The following TRPM1 variants were observed in gnomAD, a reference collection of about 807,000 sequenced individuals.
The protein encoded by TRPM1 is TRPM1-203 APA Isoform, Intron 10.
A neutral mutation model predicts 149.4 loss-of-function variants in TRPM1; 113 were observed. The observed-to-expected ratio is 0.76, with a 90% CI of 0.65 to 0.88. The LOEUF (loss-of-function observed/expected upper bound fraction) is 0.88, where lower values mean the gene tolerates loss of function less well. TRPM1 is among the 40% of genes least tolerant of loss of function. TRPM1 has a pLI of 0.00. For synonymous variants in TRPM1, 741 were observed against 759.5 expected (o/e 0.98, Z 0.40); for missense variants, 1,976 against 2,038.7 (o/e 0.97, Z 0.59).
At chr15:31,076,865 A>G in intron 3 of TRPM1, 40 bp downstream of exon 3, 1 of 1,438,438 alleles carries the variant, frequency 7.0e-7, no homozygotes, top group Non-Finnish European at 9.8e-7. Context: ...GCAGACAAGC[A>G]CTGGTTTGGA....
At chr15:31,142,860 G>A (rs1271648867) in intron 1 of TRPM1, among the ~76,000 whole-genome samples, 1 of 152,150 alleles carries the variant, frequency 6.6e-6, no homozygotes, top group African/African-American at 2.4e-5. Flanking sequence ...TTTTCTTTGA[G>A]TTATATTTGT....
At chr15:31,113,434 T>C (rs1425253567) in intron 1 of TRPM1, among the ~76,000 whole-genome samples, 1 of 53,306 alleles carries the variant, frequency 1.9e-5, no homozygotes, top group Non-Finnish European at 4.6e-5. Flanking sequence ...CTCTGACAGT[T>C]TTTTTTTTTT....
intron 1 of TRPM1, among the ~76,000 whole-genome samples, chr15:31,115,029 C>T (rs569313197): frequency 1.8e-4 from 27 of 152,254 alleles, no homozygotes; most frequent in East Asian, 9.6e-4. Flanking sequence ...CCAAGGCAGG[C>T]GGATCACCTG....
chr15:31,104,306 C>T (rs2035568582), upstream of TRPM1, among the ~76,000 whole-genome samples: 1 of 152,116 alleles, frequency 6.6e-6, no homozygotes, highest in African/African-American at 2.4e-5. Flanking sequence ...ATGGGAGATC[C>T]CCAGGCTAGC....
chr15:31,114,902 G>A (rs1042579028), intron 1 of TRPM1, among the ~76,000 whole-genome samples: 8 of 152,220 alleles, frequency 5.3e-5, no homozygotes, highest in South Asian at 2.1e-4. Flanking sequence ...AAATATGTGT[G>A]TACATCTAAA....
chr15:31,071,981 ATATATATATATATATAT>A (rs2034558178), intron 3 of TRPM1, among the ~76,000 whole-genome samples: 3 of 66,944 alleles, frequency 4.5e-5, no homozygotes, highest in African/African-American at 2.4e-4. Context: ...AAAAAAAAAC[ATATATATATATATATAT>A]ATATATATAT....
At chr15:31,030,617 T>C (rs2033023627) in intron 23 of TRPM1, among the ~76,000 whole-genome samples, 1 of 152,234 alleles carries the variant, frequency 6.6e-6, no homozygotes, top group African/African-American at 2.4e-5. Flanking sequence ...AAGTATCAGT[T>C]ACTCTGCTCT....
intron 2 of TRPM1, among the ~76,000 whole-genome samples, chr15:31,081,100 T>C (rs1030923225): frequency 1.3e-5 from 2 of 152,128 alleles, no homozygotes; most frequent in Non-Finnish European, 1.5e-5. Flanking sequence ...GTGATGACTC[T>C]GGGGCATCGG....
intron 1 of TRPM1, among the ~76,000 whole-genome samples, chr15:31,156,930 ATTT>A (rs11398253): frequency 6.8e-6 from 1 of 147,534 alleles, no homozygotes; most frequent in African/African-American, 2.5e-5. Context: ...ACTTACATTT[ATTT>A]TTTTTTTTTT....
At chr15:31,031,260 A>G (rs2033065058) in intron 22 of TRPM1, 103 bp from the exon 23 acceptor site, 1 of 1,280,952 alleles carries the variant, frequency 7.8e-7, no homozygotes, top group African/African-American at 1.5e-5. Context: ...ACGAGTGCTT[A>G]ATTAGGACGA....
chr15:31,048,450 TTC>T (rs1485499138), intron 13 of TRPM1, among the ~76,000 whole-genome samples: 4 of 152,090 alleles, frequency 2.6e-5, no homozygotes, highest in South Asian at 4.1e-4. Flanking sequence ...GTGAAATACT[TTC>T]TGTTGCATTT....
At chr15:31,060,440 C>A in intron 11 of TRPM1, 104 bp downstream of exon 11, 2 of 937,314 alleles carry the variant, frequency 2.1e-6, no homozygotes, top group South Asian at 2.8e-5. Context: ...TCATCAGAAA[C>A]CCCACATAAT....
intron 1 of TRPM1, among the ~76,000 whole-genome samples, chr15:31,159,536 T>C (rs1038525893): frequency 5.9e-5 from 9 of 152,164 alleles, no homozygotes; most frequent in African/African-American, 2.2e-4. Context: ...TCTCTAAAAA[T>C]AATGCTGACT....
rs558258992 is a variant in TRPM1 at position 31,060,520 on chromosome 15, T to C, written c.1263+24A>G. 9 of 1,592,184 alleles carry C rather than the reference T, an allele frequency of 5.7e-6. 1 individual carries two copies. The highest frequency in any genetic ancestry group is 2.7e-5 in the African/African-American group (2 of 74,604). Reference sequence around the variant, plus strand: ...TTGTACAAAGTCAAGATCAATGATATGAATCGAAAAAAAACAGTTTCACCG... The same window carrying C: ...TTGTACAAAGTCAAGATCAATGATACGAATCGAAAAAAAACAGTTTCACCG... On this transcript the variant is annotated intron_variant, in intron 11 of 27. Coordinates refer to ENST00000256552, the MANE Select transcript of TRPM1 (RefSeq NM_001252024.2).
Position 31,063,191 on chromosome 15 carries a change from C to T in TRPM1, c.892G>A (p.Val298Met), listed in dbSNP as rs1403070812. 1.2e-6 allele frequency: 2 copies of T among 1,614,244 alleles called. No individual in the cohort carries two copies. Among genetic ancestry groups the T allele is most frequent in the South Asian group, 1.1e-5 (1 of 91,090 alleles). The change falls in exon 8 of 28, where the codon GTG becomes ATG. Residue 298 changes from valine (V) to methionine (M), a missense_variant. This residue lies in a region of TRPM1 where 1,332 missense variants were observed against 1,347.1 expected (regional missense o/e 0.99). Transcript: ENST00000256552. ...CGTCCGCTGCCATCACAAATCACCA[C>T]AGGGATGGGAGGCTCTTCTTGCAGG... ...EYLQEEPPIPVVICDGSGRAS... is the reference protein window; with the variant it reads ...EYLQEEPPIPMVICDGSGRAS...
Position 31,081,416 on chromosome 15 carries a change from A to C in TRPM1, c.-61T>G, listed in dbSNP as rs924645860. 1.3e-6 allele frequency: 2 copies of C among 1,534,848 alleles called. No individual in the cohort carries two copies. The highest frequency in any genetic ancestry group is 2.7e-5 in the African/African-American group (2 of 73,018). On this transcript the variant is annotated 5_prime_UTR_variant, in exon 2 of 28. Coordinates refer to ENST00000256552, the MANE Select transcript of TRPM1 (RefSeq NM_001252024.2). The stretch of plus-strand genomic sequence containing the variant: ...AGTCCAGCACTGCAAGTTACTGCTG[A>C]GTCCTCAGAAATCTTCTAGAACCTA...
In TRPM1 at chr15:31,040,361, A is replaced by G; in HGVS notation, c.2088-15T>C. On this transcript the variant is annotated splice_polypyrimidine_tract_variant and intron_variant, in intron 17 of 27. Transcript: ENST00000256552. The surrounding 1 kb of genome is among the most constrained non-coding windows in gnomAD (Gnocchi z 4.2). ...GGCCGAAGTCTCTGGGGGGAAAGAG[A>G]AGGGACCAGGGTGAAGCCACAGTGG... 1 of 1,612,594 alleles carries G rather than the reference A, an allele frequency of 6.2e-7. No homozygotes were observed. The highest frequency in any genetic ancestry group is 8.5e-7 in the Non-Finnish European group (1 of 1,178,630).
chr15:31,035,847 A>G lies in TRPM1; in HGVS notation c.2572-173T>C, dbSNP rs1025495856. 2.9e-5 allele frequency: 26 copies of G among 892,556 alleles called. No individual in the cohort carries two copies. The Admixed American group carries it at 4.5e-4, about 16-fold the overall frequency. 55.3% of individuals were successfully genotyped at this position (892,556 alleles called of 1,614,324 possible). A position where few individuals can be genotyped will look rare whatever the true frequency, so the allele number is the denominator to read the frequency against. On this transcript the variant is annotated intron_variant, in intron 20 of 27. Transcript: ENST00000256552. ...TCACCAGTGCAGACAGAAGACCTGG[A>G]GGCAGGACGGGAGGCATTTTATACT...
intron 1 of TRPM1, among the ~76,000 whole-genome samples, chr15:31,156,611 C>A (rs1021677539): frequency 6.6e-6 from 1 of 152,178 alleles, no homozygotes; most frequent in Non-Finnish European, 1.5e-5. Flanking sequence ...CCACCCTCCC[C>A]ACAATATGTC....
Sources: allele counts gnomAD v4.1 joint callset (sites outside exome capture counted in the v4.1 genomes callset), GRCh38; gene constraint gnomAD v4.1.1; regional missense constraint gnomAD v4.1.1; non-coding constraint Gnocchi (gnomAD v3.1); transcripts MANE v1.5; gene names NCBI Gene and HGNC (gene_info 2026-07-23, HGNC 2026-07-21).